The following LARGE1 variants were observed in gnomAD, a reference collection of about 807,000 sequenced individuals.
LARGE1 encodes the protein LARGE xylosyl- and glucuronyltransferase 1, also known as xylosyl- and glucuronyltransferase LARGE1.
Under a neutral mutation model 87.6 loss-of-function variants are expected in LARGE1, and 43 were observed. The ratio of observed to expected loss-of-function variants is 0.49; its 90% confidence interval spans 0.38 to 0.63. The LOEUF is 0.63. Ranked by LOEUF, LARGE1 falls within the 30% of genes least tolerant of loss-of-function variation. LARGE1 has a pLI of 0.00. For missense variants in LARGE1, 802 were observed against 1,000.2 expected, an observed-to-expected ratio of 0.80 and a Z score of 2.67; for synonymous variants, 434 against 394.6, an observed-to-expected ratio of 1.10 and a Z score of -1.18.
At chr22:33,226,445 C>T (rs950525781) in intron 11 of LARGE1, among the ~76,000 whole-genome samples, 3 of 152,214 alleles carry the variant, frequency 2.0e-5, no homozygotes, top group Non-Finnish European at 4.4e-5. Context: ...GGATGTCAGG[C>T]ATCATTGCTT....
chr22:33,323,267 C>T (rs1936926509), intron 10 of LARGE1, among the ~76,000 whole-genome samples: 1 of 152,270 alleles, frequency 6.6e-6, no homozygotes, highest in Non-Finnish European at 1.5e-5. Context: ...ATGTTCATTT[C>T]TCCTCTACAT....
chr22:33,304,618 C>A, intron 11 of LARGE1, 111 bp from the exon 12 acceptor site: 1 of 1,151,986 alleles, frequency 8.7e-7, no homozygotes. Context: ...AGCTGTGGAT[C>A]AAATCCCTGC....
intron 9 of LARGE1, among the ~76,000 whole-genome samples, chr22:33,343,149 A>T (rs1251629792): frequency 6.6e-6 from 1 of 152,098 alleles, no homozygotes; most frequent in Admixed American, 6.6e-5. Context: ...TGTTTTAGAG[A>T]CAGGGTCTAT....
intron 6 of LARGE1, among the ~76,000 whole-genome samples, chr22:33,494,955 G>A (rs1163098864): frequency 6.6e-6 from 1 of 152,114 alleles, no homozygotes; most frequent in Admixed American, 6.5e-5. Flanking sequence ...GCACCCTAGG[G>A]CTCAAGGGGA....
At chr22:33,543,008 CCTT>C (rs1201406036) in intron 6 of LARGE1, among the ~76,000 whole-genome samples, 4 of 152,196 alleles carry the variant, frequency 2.6e-5, no homozygotes, top group East Asian at 1.9e-4. Flanking sequence ...CCCTTCCAGT[CCTT>C]CTTTCCTACA....
intron 1 of LARGE1, among the ~76,000 whole-genome samples, chr22:33,898,148 G>GC (rs1391936052): frequency 1.3e-5 from 2 of 152,166 alleles, no homozygotes; most frequent in African/African-American, 4.8e-5. Flanking sequence ...CCCCAAGAAA[G>GC]CTTGAGCCAG....
At chr22:33,228,634 T>C (rs1925853522) in intron 11 of LARGE1, among the ~76,000 whole-genome samples, 1 of 152,228 alleles carries the variant, frequency 6.6e-6, no homozygotes, top group Admixed American at 6.5e-5. Context: ...TAAATACATC[T>C]TTCTCTGCAA....
At chr22:33,158,182 G>A (rs1385057463), downstream of LARGE1, among the ~76,000 whole-genome samples, 1 of 152,074 alleles carries the variant, frequency 6.6e-6, no homozygotes, top group African/African-American at 2.4e-5. Flanking sequence ...AAGTGATGTG[G>A]TATAATATTA....
chr22:33,805,211 A>G (rs559305857), intron 1 of LARGE1, among the ~76,000 whole-genome samples: 1 of 152,234 alleles, frequency 6.6e-6, no homozygotes, highest in Admixed American at 6.5e-5. Context: ...ACACACCTGG[A>G]TTTGGACTAT....
At chr22:33,609,855 C>A (rs993907701) in intron 4 of LARGE1, among the ~76,000 whole-genome samples, 2 of 151,848 alleles carry the variant, frequency 1.3e-5, no homozygotes, top group Non-Finnish European at 2.9e-5. Context: ...AAGAGAAACT[C>A]TTTTTTTAAG....
At chr22:33,424,006 C>T (rs1449235038) in intron 7 of LARGE1, among the ~76,000 whole-genome samples, 1 of 152,164 alleles carries the variant, frequency 6.6e-6, no homozygotes, top group African/African-American at 2.4e-5. Flanking sequence ...CTCAGTTGAA[C>T]TCAAGTTCAA....
intron 2 of LARGE1, among the ~76,000 whole-genome samples, chr22:33,687,777 G>A (rs1019590793): frequency 2.6e-5 from 4 of 152,196 alleles, no homozygotes; most frequent in Middle Eastern, 3.2e-3. Flanking sequence ...AGAACCTGCT[G>A]TTCACCAGGT....
At chr22:33,406,232 A>G (rs866950137) in intron 7 of LARGE1, among the ~76,000 whole-genome samples, 23 of 152,122 alleles carry the variant, frequency 1.5e-4, no homozygotes, top group African/African-American at 5.5e-4. Flanking sequence ...CGCCGTGTAT[A>G]CCCAGACTTG....
At chr22:33,396,839 C>T (rs559582519) in intron 7 of LARGE1, among the ~76,000 whole-genome samples, 2 of 152,092 alleles carry the variant, frequency 1.3e-5, no homozygotes, top group African/African-American at 4.8e-5. Flanking sequence ...AATCATTTGG[C>T]CAAGGTTGTG....
At chr22:33,200,854 G>C (rs1252942612) in intron 11 of LARGE1, among the ~76,000 whole-genome samples, 1 of 152,166 alleles carries the variant, frequency 6.6e-6, no homozygotes, top group Non-Finnish European at 1.5e-5. Context: ...TTCTTTGGGG[G>C]ATGATGAAAA....
At chr22:33,119,335 T>A in the LARGE1 span, among the ~76,000 whole-genome samples, 4,615 of 152,066 alleles carry the variant, frequency 0.03, 94 homozygotes, top group South Asian at 0.056. Flanking sequence ...TTTTATATAT[T>A]TTTTTTTATT....
At chr22:33,593,787 G>A (rs932937499) in intron 5 of LARGE1, among the ~76,000 whole-genome samples, 3 of 151,874 alleles carry the variant, frequency 2.0e-5, no homozygotes. Flanking sequence ...TAAATGAGAT[G>A]TATTATTAAA....
At chr22:33,167,205 G>A (rs545949946) in intron 11 of LARGE1, among the ~76,000 whole-genome samples, 1 of 152,162 alleles carries the variant, frequency 6.6e-6, no homozygotes, top group East Asian at 1.9e-4. Flanking sequence ...TGAAACTGAG[G>A]GGACCAGGAA....
At chr22:33,370,056 C>T (rs2064751264) in intron 9 of LARGE1, among the ~76,000 whole-genome samples, 1 of 152,024 alleles carries the variant, frequency 6.6e-6, no homozygotes, top group Admixed American at 6.6e-5. Context: ...GCCTGGCTAC[C>T]AATTGCTTAG....
Sources: allele counts gnomAD v4.1 joint callset (sites outside exome capture counted in the v4.1 genomes callset), GRCh38; gene constraint gnomAD v4.1.1; transcripts MANE v1.5; gene names NCBI Gene and HGNC (gene_info 2026-07-23, HGNC 2026-07-21).